The following CFAP300 variants were observed in gnomAD, a reference collection of about 807,000 sequenced individuals.
CFAP300 encodes the protein cilia and flagella associated protein 300, also known as cilia- and flagella-associated protein 300.
A neutral mutation model predicts 33.0 loss-of-function variants in CFAP300; 32 were observed. That is an observed-to-expected ratio of 0.97 (90% CI 0.73 to 1.30). CFAP300 has a LOEUF of 1.30. Among genes scored for constraint, CFAP300 ranks in the 50% most tolerant of loss-of-function variants. CFAP300 has a pLI of 0.00. For missense variants in CFAP300, 356 were observed against 318.1 expected (o/e 1.12, Z -0.90); for synonymous variants, 102 against 106.8 (o/e 0.95, Z 0.28).
intron 4 of CFAP300, among the ~76,000 whole-genome samples, chr11:102,071,280 A>G (rs1942309321): frequency 6.6e-6 from 1 of 152,212 alleles, no homozygotes; most frequent in African/African-American, 2.4e-5. Flanking sequence ...TTAGCATTAT[A>G]TAATGAGTTT....
At chr11:102,048,969 C>T (rs2135008171) in intron 2 of CFAP300, among the ~76,000 whole-genome samples, 2 of 152,188 alleles carry the variant, frequency 1.3e-5, no homozygotes, top group Middle Eastern at 6.8e-3. Context: ...CCTTCCAGTG[C>T]TGGGGATACG....
At chr11:102,081,401 A>G in intron 6 of CFAP300, 120 bp downstream of exon 6, 2 of 832,370 alleles carry the variant, frequency 2.4e-6, no homozygotes, top group Non-Finnish European at 1.9e-6. Flanking sequence ...AATGTTATTT[A>G]GAGTTTTGTT....
chr11:102,052,267 G>A (rs1447867697), intron 2 of CFAP300, among the ~76,000 whole-genome samples: 1 of 152,188 alleles, frequency 6.6e-6, no homozygotes, highest in East Asian at 1.9e-4. Context: ...TACTAAATCT[G>A]AATTAAATTT....
Position 102,047,574 on chromosome 11 carries a change from G to A in CFAP300, c.104G>A (p.Arg35His), listed in dbSNP as rs1475047718. The A allele has an allele frequency of 1.3e-6, 2 of 1,535,684 alleles. No individual in the cohort carries two copies. Among genetic ancestry groups the A allele is most frequent in the Non-Finnish European group, 1.7e-6 (2 of 1,146,626 alleles). ...LSSKEITSRLRQWSMLGRIKA... is the reference protein window; with the variant it reads ...LSSKEITSRLHQWSMLGRIKA... Reference sequence around the variant, plus strand: ...TCTAAGGAGATCACCAGCCGGCTCCGCCAGTGGTGAGGAACCGAGGCACAG... The same window carrying A: ...TCTAAGGAGATCACCAGCCGGCTCCACCAGTGGTGAGGAACCGAGGCACAG... The change falls in exon 1 of 7, where the codon CGC (arginine) becomes CAC (histidine). Residue 35 changes from arginine to histidine, a missense_variant. By Grantham distance (29) the Arg-to-His change is conservative (BLOSUM62 0). Coordinates refer to ENST00000434758, the MANE Select transcript of CFAP300 (RefSeq NM_032930.3).
chr11:102,058,230 C>T (rs1942088147), intron 2 of CFAP300, among the ~76,000 whole-genome samples: 1 of 151,986 alleles, frequency 6.6e-6, no homozygotes, highest in Non-Finnish European at 1.5e-5. Flanking sequence ...TTTCTTCTGC[C>T]TTTTCAGCTT....
intron 2 of CFAP300, among the ~76,000 whole-genome samples, chr11:102,051,937 G>A (rs1040418308): frequency 6.6e-6 from 1 of 152,088 alleles, no homozygotes; most frequent in African/African-American, 2.4e-5. Context: ...ACTAGTTTAG[G>A]AATCATCTTA....
chr11:102,077,341 A>G (rs1041220627), intron 5 of CFAP300, among the ~76,000 whole-genome samples: 8 of 152,238 alleles, frequency 5.3e-5, no homozygotes, highest in Non-Finnish European at 7.3e-5. Flanking sequence ...GGATGCTAAG[A>G]AAAAGTATGA....
chr11:102,048,420 A>G (rs914895122), intron 2 of CFAP300, among the ~76,000 whole-genome samples: 2 of 151,932 alleles, frequency 1.3e-5, no homozygotes, highest in East Asian at 1.9e-4. Flanking sequence ...GAGTCTCACT[A>G]TGTTACCCAG....
At chr11:102,080,655 C>A (rs1350492797) in intron 5 of CFAP300, among the ~76,000 whole-genome samples, 1 of 152,104 alleles carries the variant, frequency 6.6e-6, no homozygotes, top group Non-Finnish European at 1.5e-5. Flanking sequence ...CTGCCTAGGC[C>A]TCCCAAAGTG....
chr11:102,072,848 G>C (rs1021764631), intron 4 of CFAP300, among the ~76,000 whole-genome samples: 3 of 152,150 alleles, frequency 2.0e-5, no homozygotes, highest in African/African-American at 7.2e-5. Flanking sequence ...TTTTGGTTTT[G>C]ATTCTGGGTG....
chr11:102,055,483 G>T (rs112363081), intron 2 of CFAP300, among the ~76,000 whole-genome samples: 111 of 149,184 alleles, frequency 7.4e-4, no homozygotes, highest in African/African-American at 2.5e-3. Flanking sequence ...TCAGCCTCCC[G>T]AGTAGCTGGG....
At position 102,084,027 on chromosome 11, in the gene CFAP300, G is replaced by T. The variant is rs566106215; in HGVS notation, c.*828G>T. Reference sequence around the variant, plus strand: ...AAGACTCCGTCTCAGAAAAAAAAAAGGTTCTGAAAGTGGTTGTAAACTCTT... The same window carrying T: ...AAGACTCCGTCTCAGAAAAAAAAAATGTTCTGAAAGTGGTTGTAAACTCTT... On this transcript the variant is annotated 3_prime_UTR_variant, in exon 7 of 7. Coordinates refer to ENST00000434758, the MANE Select transcript of CFAP300 (RefSeq NM_032930.3). The T allele has an allele frequency of 1.3e-5, 2 of 150,758 alleles. No homozygotes were observed. The highest frequency in any genetic ancestry group is 1.9e-4 in the East Asian group (1 of 5,156). 9.3% of individuals were successfully genotyped at this position (150,758 alleles called of 1,614,324 possible).
At chr11:102,056,492 T>C (rs900077586) in intron 2 of CFAP300, among the ~76,000 whole-genome samples, 1 of 152,298 alleles carries the variant, frequency 6.6e-6, no homozygotes, top group Non-Finnish European at 1.5e-5. Context: ...ATCTTGGCAA[T>C]GTAATGGATA....
Position 102,083,137 on chromosome 11 carries a change from G to C in CFAP300, c.742G>C (p.Asp248His). ...ACAGACATTTTCTTACTTTATTGTG[G>C]ATCCTATCAGGCGTCACCTTCATGT... is the stretch of plus-strand genomic sequence containing the variant. Reference protein sequence around the residue: ...HEQTFSYFIVDPIRRHLHVLY... With the variant: ...HEQTFSYFIVHPIRRHLHVLY... Residue 248 changes from aspartate (D) to histidine (H), a missense_variant, in exon 7 of 7, where the codon GAT becomes CAT. By Grantham distance (81) the Asp-to-His change is moderately conservative. Transcript: ENST00000434758. The C allele has an allele frequency of 6.4e-7, 1 of 1,568,966 alleles. No homozygotes were observed. Among genetic ancestry groups the C allele is most frequent in the South Asian group, 1.2e-5 (1 of 82,760 alleles).
chr11:102,053,272 G>A (rs780149936), intron 2 of CFAP300, among the ~76,000 whole-genome samples: 1 of 150,796 alleles, frequency 6.6e-6, no homozygotes, highest in Non-Finnish European at 1.5e-5. Flanking sequence ...AAAAAAGGCT[G>A]GGCACAGTGG....
chr11:102,067,059 G>A (rs949189955), intron 4 of CFAP300, among the ~76,000 whole-genome samples: 7 of 152,214 alleles, frequency 4.6e-5, no homozygotes, highest in African/African-American at 9.6e-5. Context: ...ACATCCCGGA[G>A]CTGGGCACAG....
Position 102,081,141 on chromosome 11 carries a change from A to T in CFAP300, c.609-74A>T, listed in dbSNP as rs1942467506. 2.8e-6 allele frequency: 3 copies of T among 1,086,128 alleles called. No homozygotes were observed. In the South Asian group the frequency reaches 4.6e-5, roughly 17 times the overall value. The allele number at this position is 1,086,128 out of a possible 1,614,324, so 67.3% of individuals were successfully genotyped here. ...ATATGAATAAGAACACTTAAATACTAAAAGGGATCATTACTTAAATGTATA... is the reference window on the plus strand; with the variant it reads ...ATATGAATAAGAACACTTAAATACTTAAAGGGATCATTACTTAAATGTATA... On this transcript the variant is annotated intron_variant, in intron 5 of 6. Coordinates refer to ENST00000434758, the MANE Select transcript of CFAP300 (RefSeq NM_032930.3).
chr11:102,061,532 T>C (rs1405903054), intron 3 of CFAP300, among the ~76,000 whole-genome samples: 2 of 152,222 alleles, frequency 1.3e-5, no homozygotes, highest in Non-Finnish European at 2.9e-5. Context: ...TTTGTCTTTT[T>C]TTGATAACAT....
At chr11:102,057,368 T>C (rs915271235) in intron 2 of CFAP300, among the ~76,000 whole-genome samples, 4 of 151,020 alleles carry the variant, frequency 2.6e-5, no homozygotes, top group African/African-American at 9.7e-5. Context: ...AAAAGAAAAC[T>C]TTCGTTCCAT....
Sources: allele counts gnomAD v4.1 joint callset (sites outside exome capture counted in the v4.1 genomes callset), GRCh38; gene constraint gnomAD v4.1.1; transcripts MANE v1.5; gene names NCBI Gene and HGNC (gene_info 2026-07-23, HGNC 2026-07-21).